The following CSTPP1 variants were observed in gnomAD, a reference collection of about 807,000 sequenced individuals.
The protein encoded by CSTPP1 is centriolar satellite-associated tubulin polyglutamylase complex regulator 1, also known as UPF0705 protein C11orf49.
chr11:46,997,404 A>G, the CSTPP1 span, among the ~76,000 whole-genome samples: 4 of 152,138 alleles, frequency 2.6e-5, no homozygotes, highest in Admixed American at 6.5e-5. Flanking sequence ...TTTCAGCTCC[A>G]TCAGGTCATT....
the CSTPP1 span, among the ~76,000 whole-genome samples, chr11:47,006,921 C>G: frequency 3.3e-5 from 5 of 150,088 alleles, no homozygotes; most frequent in African/African-American, 1.2e-4. Flanking sequence ...TATTGGGATT[C>G]TAATTACACA....
the CSTPP1 span, among the ~76,000 whole-genome samples, chr11:46,938,773 TC>T: frequency 3.5e-4 from 38 of 107,174 alleles, no homozygotes; most frequent in Admixed American, 1.3e-3. Flanking sequence ...TTTTTTTTTT[TC>T]TTCTTCTTTT....
At chr11:47,000,626 G>A in the CSTPP1 span, among the ~76,000 whole-genome samples, 5 of 152,278 alleles carry the variant, frequency 3.3e-5, no homozygotes, top group Middle Eastern at 6.8e-3. Context: ...AGAATATGCA[G>A]CATTCATTTG....
the CSTPP1 span, among the ~76,000 whole-genome samples, chr11:47,118,215 A>G: frequency 1.3e-5 from 2 of 151,956 alleles, no homozygotes; most frequent in African/African-American, 4.8e-5. Flanking sequence ...TCAATCACTG[A>G]CACCCTTTCT....
chr11:47,059,356 C>T, the CSTPP1 span, among the ~76,000 whole-genome samples: 1 of 152,054 alleles, frequency 6.6e-6, no homozygotes, highest in East Asian at 1.9e-4. Flanking sequence ...CAACCCCACC[C>T]CCTCTCTGCC....
chr11:47,107,379 G>T, the CSTPP1 span, among the ~76,000 whole-genome samples: 1 of 152,130 alleles, frequency 6.6e-6, no homozygotes, highest in African/African-American at 2.4e-5. Context: ...GTAGTATAAA[G>T]GTCTGTAGAA....
At chr11:47,075,997 GC>G in the CSTPP1 span, among the ~76,000 whole-genome samples, 8 of 150,182 alleles carry the variant, frequency 5.3e-5, no homozygotes, top group Non-Finnish European at 1.0e-4. Flanking sequence ...TGAGAGGGGA[GC>G]TGAAAATAAG....
chr11:46,976,005 T>C, the CSTPP1 span, among the ~76,000 whole-genome samples: 1 of 152,168 alleles, frequency 6.6e-6, no homozygotes, highest in Non-Finnish European at 1.5e-5. Flanking sequence ...GTCAGGGGGC[T>C]TAATGGGTCA....
chr11:47,036,661 G>C, the CSTPP1 span, among the ~76,000 whole-genome samples: 9 of 124,922 alleles, frequency 7.2e-5, 3 homozygotes, highest in Non-Finnish European at 1.3e-4. Context: ...TGAGCTCATA[G>C]ATTTGTTTTG....
At chr11:47,079,391 G>A in the CSTPP1 span, among the ~76,000 whole-genome samples, 10 of 152,286 alleles carry the variant, frequency 6.6e-5, no homozygotes, top group Admixed American at 1.3e-4. Flanking sequence ...GATGCAGATC[G>A]CAAAACTGGC....
chr11:47,156,286 C>T, the CSTPP1 span, among the ~76,000 whole-genome samples: 4 of 152,318 alleles, frequency 2.6e-5, no homozygotes, highest in East Asian at 7.7e-4. Flanking sequence ...TTTTCCCTCA[C>T]TGTCTCCCCA....
the CSTPP1 span, among the ~76,000 whole-genome samples, chr11:47,074,647 G>T: frequency 6.6e-6 from 1 of 152,144 alleles, no homozygotes; most frequent in Non-Finnish European, 1.5e-5. Context: ...TTAGTTAACA[G>T]GACTATATTC....
chr11:47,018,795 A>C, the CSTPP1 span, among the ~76,000 whole-genome samples: 1 of 152,146 alleles, frequency 6.6e-6, no homozygotes, highest in Non-Finnish European at 1.5e-5. Context: ...ATGATGTTGA[A>C]AAACTTCTTA....
chr11:47,145,213 C>T, the CSTPP1 span, among the ~76,000 whole-genome samples: 2 of 152,002 alleles, frequency 1.3e-5, no homozygotes. Flanking sequence ...GTCCCAATCT[C>T]TTGACCTTAT....
At chr11:47,017,517 A>C in the CSTPP1 span, among the ~76,000 whole-genome samples, 1 of 151,988 alleles carries the variant, frequency 6.6e-6, no homozygotes, top group Non-Finnish European at 1.5e-5. Context: ...GAACAATTTC[A>C]TCACCACAAA....
At chr11:46,958,790 A>G in the CSTPP1 span, among the ~76,000 whole-genome samples, 1 of 152,190 alleles carries the variant, frequency 6.6e-6, no homozygotes, top group African/African-American at 2.4e-5. Flanking sequence ...GTGTGCTGGT[A>G]TAAGTTCCAG....
the CSTPP1 span, among the ~76,000 whole-genome samples, chr11:46,970,786 G>A: frequency 3.3e-5 from 5 of 152,118 alleles, no homozygotes; most frequent in African/African-American, 1.2e-4. Context: ...TTACAGTCCT[G>A]TCAAGCAGTC....
the CSTPP1 span, among the ~76,000 whole-genome samples, chr11:46,948,544 CT>C: frequency 6.6e-6 from 1 of 151,658 alleles, no homozygotes; most frequent in Non-Finnish European, 1.5e-5. Flanking sequence ...ATAGTCACCT[CT>C]TTTGGACTTA....
At chr11:47,164,298 T>C in the CSTPP1 span, 3 of 1,557,820 alleles carry the variant, frequency 1.9e-6, no homozygotes, top group African/African-American at 2.7e-5. Context: ...CAGAGGACAC[T>C]GCTTCACTCA....
Sources: gnomAD v4.1 joint callset for allele counts (sites outside exome capture counted in the v4.1 genomes callset) on GRCh38, gnomAD v4.1.1 for gene constraint, MANE v1.5 for transcripts, NCBI Gene and HGNC (gene_info 2026-07-23, HGNC 2026-07-21) for gene names.